DERA: variants seen among roughly 807,000 people sequenced by gnomAD.
DERA encodes deoxyribose-phosphate aldolase.
In DERA, 15 loss-of-function variants were observed where a neutral mutation model predicts 41.1. The ratio of observed to expected loss-of-function variants is 0.37; its 90% CI spans 0.24 to 0.56. The LOEUF is 0.56. DERA is among the 20% of genes least tolerant of loss of function. The pLI, the probability that DERA is intolerant of heterozygous loss-of-function variation, is 0.81. For synonymous variants in DERA, 139 were observed against 137.4 expected (o/e 1.01, Z -0.08); for missense variants, 396 against 403.4 (o/e 0.98, Z 0.16).
chr12:16,033,711 T>C (rs1273643593), intron 7 of DERA, among the ~76,000 whole-genome samples: 1 of 151,740 alleles, frequency 6.6e-6, no homozygotes, highest in Non-Finnish European at 1.5e-5. Context: ...AGACCTTTAA[T>C]CCTTTGTCCA....
In DERA at chr12:15,988,216, A is replaced by G. The variant is rs182522030; in HGVS notation, c.637+5780A>G. 5.3e-5 allele frequency among the ~76,000 whole-genome samples: 8 copies of G among 152,208 alleles called. No homozygotes were observed. The highest frequency in any genetic ancestry group is 1.0e-4 in the Non-Finnish European group (7 of 67,992). On this transcript the variant is annotated intron_variant, in intron 6 of 8. Transcript: ENST00000428559. The surrounding 1 kb of genome is among the most constrained non-coding windows in gnomAD (Gnocchi z 6.0). ...TCCTTCTTCCTTCTCGTTACCTGCA[A>G]TGTGGTGAGTCGGGGGCATGTTTTA... is the stretch of plus-strand genomic sequence containing the variant.
intron 1 of DERA, among the ~76,000 whole-genome samples, chr12:15,949,067 C>T (rs772877676): frequency 5.2e-4 from 79 of 152,320 alleles, no homozygotes; most frequent in Non-Finnish European, 8.7e-4. Flanking sequence ...GGAGCTTCGT[C>T]TCAGAGGGGT....
chr12:15,941,361 C>T lies in DERA; in HGVS notation c.32-15575C>T, dbSNP rs544883985. 6.6e-5 allele frequency among the ~76,000 whole-genome samples: 10 copies of T among 152,174 alleles called. No individual in the cohort carries two copies. In the South Asian group the frequency reaches 1.2e-3, roughly 19 times the overall value. ...CCACCCAAGAGTAGAAGGACTTAGC[C>T]GTCTGTAGCCACAATTTTTTTTTTA... On this transcript the variant is annotated intron_variant, in intron 1 of 8. Transcript: ENST00000428559. The surrounding 1 kb of genome is among the most constrained non-coding windows in gnomAD (Gnocchi z 4.5).
intron 6 of DERA, among the ~76,000 whole-genome samples, chr12:16,024,645 G>A (rs2136186667): frequency 6.6e-6 from 1 of 152,268 alleles, no homozygotes; most frequent in South Asian, 2.1e-4. Context: ...GAGAGCCTGT[G>A]TATTTTAGCT....
chr12:15,951,323 A>G (rs560366502), intron 1 of DERA: 4 of 152,348 alleles, frequency 2.6e-5, no homozygotes, highest in East Asian at 1.9e-4. Flanking sequence ...GATCTTTTCT[A>G]TGGGAACAGA....
intron 6 of DERA, among the ~76,000 whole-genome samples, chr12:16,024,050 A>C (rs1448189491): frequency 1.3e-5 from 2 of 152,226 alleles, no homozygotes; most frequent in African/African-American, 4.8e-5. Flanking sequence ...GCTGAGGAAA[A>C]AAATCAGTGA....
intron 1 of DERA, among the ~76,000 whole-genome samples, chr12:15,927,392 A>G (rs1948294948): frequency 6.6e-6 from 1 of 152,216 alleles, no homozygotes; most frequent in Non-Finnish European, 1.5e-5. Flanking sequence ...GTGTTCATAC[A>G]CTATTACTTA....
At chr12:15,947,666 T>C (rs1948461763) in intron 1 of DERA, among the ~76,000 whole-genome samples, 1 of 152,234 alleles carries the variant, frequency 6.6e-6, no homozygotes, top group African/African-American at 2.4e-5. Flanking sequence ...TTATCCAATT[T>C]GCCAGTCTGT....
chr12:15,976,585 T>C lies in DERA; in HGVS notation c.509-5723T>C, dbSNP rs1948698863. Among the ~76,000 whole-genome samples the C allele has an allele frequency of 6.6e-6, 1 of 152,204 alleles. No individual in the cohort carries two copies. Among genetic ancestry groups the C allele is most frequent in the Non-Finnish European group, 1.5e-5 (1 of 68,046 alleles). On this transcript the variant is annotated intron_variant, in intron 5 of 8. Coordinates refer to ENST00000428559, the MANE Select transcript of DERA (RefSeq NM_015954.4). This position sits in a 1 kb window ranked among gnomAD's most constrained non-coding sequence, Gnocchi z 4.1. ...CCCAAAGATAGAGTTCAGAATCATC[T>C]TTCTAAATCAACAAGAGGCTCTTTC...
intron 6 of DERA, among the ~76,000 whole-genome samples, chr12:15,991,563 T>G (rs1427249779): frequency 6.6e-6 from 1 of 152,168 alleles, no homozygotes; most frequent in Non-Finnish European, 1.5e-5. Context: ...GCAGCTGTAA[T>G]TATCCAGAAC....
In DERA at chr12:15,924,004, T is replaced by A. The variant is rs1015270725; in HGVS notation, c.31+12590T>A. Reference sequence around the variant, plus strand: ...CTTAAACAAATTACTGTATTCTCAGTCTTTAGTTGAAGAAAATAATTGAGT... The same window carrying A: ...CTTAAACAAATTACTGTATTCTCAGACTTTAGTTGAAGAAAATAATTGAGT... On this transcript the variant is annotated intron_variant, in intron 1 of 8. Transcript: ENST00000428559. The surrounding 1 kb of genome is among the most constrained non-coding windows in gnomAD (Gnocchi z 5.0). 1.3e-5 allele frequency among the ~76,000 whole-genome samples: 2 copies of A among 152,368 alleles called. No individual in the cohort carries two copies. Among genetic ancestry groups the A allele is most frequent in the Non-Finnish European group, 2.9e-5 (2 of 68,036 alleles).
chr12:15,991,485 T>C (rs1053989737), intron 6 of DERA, among the ~76,000 whole-genome samples: 1 of 152,292 alleles, frequency 6.6e-6, no homozygotes, highest in South Asian at 2.1e-4. Flanking sequence ...TTGGATGCCA[T>C]AGCAGCAACA....
intron 4 of DERA, among the ~76,000 whole-genome samples, chr12:15,960,649 A>AAC (rs1948579801): frequency 1.3e-5 from 2 of 150,964 alleles, no homozygotes; most frequent in Non-Finnish European, 1.5e-5. Flanking sequence ...AAAAAAAAAA[A>AAC]AAAAAAAAAA....
At chr12:15,979,077 C>T (rs3782540) in intron 5 of DERA, among the ~76,000 whole-genome samples, 94,790 of 152,062 alleles carry the variant, frequency 0.62, 29,901 homozygotes, top group East Asian at 0.82. Flanking sequence ...ACATTTTTGT[C>T]TACAATACTA....
At chr12:16,016,109 CAT>C (rs1948980426) in intron 6 of DERA, among the ~76,000 whole-genome samples, 1 of 152,156 alleles carries the variant, frequency 6.6e-6, no homozygotes, top group Non-Finnish European at 1.5e-5. Flanking sequence ...TTTGTGGAAT[CAT>C]AGTCTGCAGA....
intron 6 of DERA, among the ~76,000 whole-genome samples, chr12:16,029,798 A>G (rs1949078805): frequency 6.6e-6 from 1 of 151,852 alleles, no homozygotes; most frequent in South Asian, 2.1e-4. Context: ...AATATATTAG[A>G]AAGAGAGTGT....
chr12:15,915,686 CTG>C lies in DERA; in HGVS notation c.31+4275_31+4276del, dbSNP rs1948193892. Among the ~76,000 whole-genome samples, 1 of 152,190 alleles carries C rather than the reference CTG, an allele frequency of 6.6e-6. No homozygotes were observed. On this transcript the variant is annotated intron_variant, in intron 1 of 8. Transcript: ENST00000428559. This position sits in a 1 kb window ranked among gnomAD's most constrained non-coding sequence, Gnocchi z 4.8. The stretch of plus-strand genomic sequence containing the variant: ...ATTTAATACCTACTGTGTGCAGACA[CTG>C]TGCTTAGGTGCTGGGTATAATGATA...
chr12:15,979,793 A>G (rs1448874827), intron 5 of DERA, among the ~76,000 whole-genome samples: 4 of 152,206 alleles, frequency 2.6e-5, no homozygotes, highest in Non-Finnish European at 5.9e-5. Flanking sequence ...TAACTTCCAA[A>G]TGACTGAATC....
chr12:16,017,278 AT>A lies in DERA; in HGVS notation c.638-15262del. 6.6e-6 allele frequency among the ~76,000 whole-genome samples: 1 copy of A among 152,338 alleles called. No homozygotes were observed. Among genetic ancestry groups the A allele is most frequent in the Non-Finnish European group, 1.5e-5 (1 of 68,030 alleles). On this transcript the variant is annotated intron_variant, in intron 6 of 8. Transcript: ENST00000428559. The surrounding 1 kb of genome is among the most constrained non-coding windows in gnomAD (Gnocchi z 5.5). Reference sequence around the variant, plus strand: ...CTGCCATTATGCTTAAACAAGCATCATTGCTTAGTTATCGTGTTCTATTGCA... The same window carrying A: ...CTGCCATTATGCTTAAACAAGCATCATGCTTAGTTATCGTGTTCTATTGCA...
Sources: allele counts gnomAD v4.1 joint callset (sites outside exome capture counted in the v4.1 genomes callset), GRCh38; gene constraint gnomAD v4.1.1; non-coding constraint Gnocchi (gnomAD v3.1); transcripts MANE v1.5; gene names NCBI Gene and HGNC (gene_info 2026-07-23, HGNC 2026-07-21).